Variants in EPHA4 observed in about 807,000 individuals in gnomAD.
EPHA4 encodes the protein EPH receptor A4, also known as ephrin type-A receptor 4.
Under a neutral mutation model 108.3 loss-of-function variants are expected in EPHA4, and 19 were observed. The observed-to-expected ratio is 0.18, with a 90% CI of 0.12 to 0.26. The LOEUF is 0.26. EPHA4 is among the 10% of genes least tolerant of loss of function. The pLI, the probability that EPHA4 is intolerant of heterozygous loss-of-function variation, is 1.00. For missense variants in EPHA4, 917 were observed against 1,254.0 expected (o/e 0.73, Z 4.06); for synonymous variants, 449 against 455.5 (o/e 0.99, Z 0.18).
chr2:221,459,024 C>CT (rs1691054799), intron 5 of EPHA4, among the ~76,000 whole-genome samples: 1 of 152,144 alleles, frequency 6.6e-6, no homozygotes, highest in Non-Finnish European at 1.5e-5. Context: ...TCCTCCTGCC[C>CT]TTTTGCAATA....
rs1472505874 is a variant in EPHA4 at position 221,425,987 on chromosome 2, G to A, written c.*41C>T. On this transcript the variant is annotated 3_prime_UTR_variant, in exon 17 of 18. Coordinates refer to ENST00000281821, the MANE Select transcript of EPHA4 (RefSeq NM_004438.5). The stretch of plus-strand genomic sequence containing the variant: ...TCTTCAATTAAAGTGCATGGATGAG[G>A]TAAACTAATTTCAAGAGTTTTGAGT... 1.9e-6 allele frequency: 3 copies of A among 1,543,516 alleles called. No homozygotes were observed. The highest frequency in any genetic ancestry group is 2.7e-6 in the Non-Finnish European group (3 of 1,116,256).
chr2:221,562,199 C>T (rs1694488715), intron 3 of EPHA4, among the ~76,000 whole-genome samples: 1 of 144,936 alleles, frequency 6.9e-6, no homozygotes, highest in African/African-American at 2.7e-5. Flanking sequence ...TTTAAATTTA[C>T]ACATTTCCTT....
chr2:221,422,852 C>T (rs1689795929), intron 17 of EPHA4, among the ~76,000 whole-genome samples: 1 of 152,192 alleles, frequency 6.6e-6, no homozygotes, highest in African/African-American at 2.4e-5. Flanking sequence ...GTATCACTGT[C>T]TTCCCCATTA....
Position 221,445,446 on chromosome 2 carries a change from C to T in EPHA4, c.1774+677G>A, listed in dbSNP as rs1690561616. 5.3e-5 allele frequency among the ~76,000 whole-genome samples: 8 copies of T among 151,990 alleles called. No homozygotes were observed. The South Asian group carries it at 6.2e-4, about 12-fold the overall frequency. The stretch of plus-strand genomic sequence containing the variant: ...CTACTAAAAGTACAAAAAAATTAGC[C>T]GGGGGTCGTGGCGGGTGCCTGTAAT... On this transcript the variant is annotated intron_variant, in intron 9 of 17. Coordinates refer to ENST00000281821, the MANE Select transcript of EPHA4 (RefSeq NM_004438.5).
intron 6 of EPHA4, among the ~76,000 whole-genome samples, chr2:221,457,638 A>G (rs1691001626): frequency 6.6e-6 from 1 of 152,188 alleles, no homozygotes; most frequent in Non-Finnish European, 1.5e-5. Context: ...ATCATACTTA[A>G]TTGGGAAGCA....
intron 5 of EPHA4, among the ~76,000 whole-genome samples, chr2:221,469,562 T>A (rs1451630550): frequency 6.6e-6 from 1 of 152,194 alleles, no homozygotes; most frequent in Non-Finnish European, 1.5e-5. Flanking sequence ...CTGAATTCCT[T>A]GGCTTTCAAT....
chr2:221,572,558 A>C, upstream of EPHA4: 1 of 220,310 alleles, frequency 4.5e-6, no homozygotes. Flanking sequence ...GGGATCCCCC[A>C]CGTTACCTCG....
chr2:221,544,925 C>T (rs535577051), intron 3 of EPHA4, among the ~76,000 whole-genome samples: 14 of 152,266 alleles, frequency 9.2e-5, no homozygotes, highest in Middle Eastern at 3.4e-3. Context: ...CTACAAGCCA[C>T]GAAAGAGGCC....
At chr2:221,482,063 C>T (rs926569676) in intron 5 of EPHA4, among the ~76,000 whole-genome samples, 1 of 152,084 alleles carries the variant, frequency 6.6e-6, no homozygotes, top group Non-Finnish European at 1.5e-5. Context: ...TACCACCATG[C>T]CTAGCTAATT....
At chr2:221,421,821 TA>T (rs1387526056) in intron 17 of EPHA4, among the ~76,000 whole-genome samples, 1 of 152,246 alleles carries the variant, frequency 6.6e-6, no homozygotes, top group Non-Finnish European at 1.5e-5. Flanking sequence ...TTGCCTATTT[TA>T]TCAAATCACT....
chr2:221,483,953 A>G (rs1173182455), intron 4 of EPHA4, among the ~76,000 whole-genome samples: 1 of 152,230 alleles, frequency 6.6e-6, no homozygotes, highest in Admixed American at 6.5e-5. Flanking sequence ...ATAGCTACTC[A>G]GTTTGACAGT....
At chr2:221,469,806 C>T (rs1016693022) in intron 5 of EPHA4, among the ~76,000 whole-genome samples, 8 of 152,140 alleles carry the variant, frequency 5.3e-5, no homozygotes, top group Non-Finnish European at 1.0e-4. Context: ...GACCTAAAGA[C>T]AGAAAGGTCC....
At chr2:221,439,730 TCAA>T (rs2106102496) in intron 11 of EPHA4, among the ~76,000 whole-genome samples, 1 of 152,170 alleles carries the variant, frequency 6.6e-6, no homozygotes, top group South Asian at 2.1e-4. Context: ...AGATACTTTG[TCAA>T]CTAACGAGAA....
chr2:221,464,691 C>T (rs1691253262), intron 5 of EPHA4, among the ~76,000 whole-genome samples: 1 of 152,154 alleles, frequency 6.6e-6, no homozygotes, highest in Non-Finnish European at 1.5e-5. Flanking sequence ...AACTCCTCTG[C>T]CATCTTTTAG....
chr2:221,463,141 T>C (rs546603092), intron 5 of EPHA4, among the ~76,000 whole-genome samples: 17 of 152,298 alleles, frequency 1.1e-4, no homozygotes, highest in African/African-American at 3.8e-4. Flanking sequence ...TTTGCAGTCA[T>C]AGTGTGGGCG....
At chr2:221,489,321 C>T (rs1692073015) in intron 4 of EPHA4, among the ~76,000 whole-genome samples, 1 of 152,180 alleles carries the variant, frequency 6.6e-6, no homozygotes, top group Admixed American at 6.5e-5. Flanking sequence ...GTGTAACGTG[C>T]CATATAAACC....
intron 3 of EPHA4, among the ~76,000 whole-genome samples, chr2:221,514,359 G>A (rs554405616): frequency 2.2e-4 from 33 of 152,188 alleles, no homozygotes; most frequent in African/African-American, 6.3e-4. Context: ...TCTTGCTTTC[G>A]TGTGATGCAC....
rs1377469075 is a variant in EPHA4, at chr2:221,425,279, C to T, written c.*749G>A. 6.6e-6 allele frequency: 1 copy of T among 151,226 alleles called. No individual in the cohort carries two copies. Among genetic ancestry groups the T allele is most frequent in the African/African-American group, 2.4e-5 (1 of 41,352 alleles). The allele number at this position is 151,226 out of a possible 1,614,324, so 9.4% of individuals were successfully genotyped here. On this transcript the variant is annotated 3_prime_UTR_variant, in exon 17 of 18. Coordinates refer to ENST00000281821, the MANE Select transcript of EPHA4 (RefSeq NM_004438.5). Reference sequence around the variant, plus strand: ...TTCTCTATTCCAGATTGTCACAGCCCACTATCCACAAGATAGTTAGGACAA... The same window carrying T: ...TTCTCTATTCCAGATTGTCACAGCCTACTATCCACAAGATAGTTAGGACAA...
At position 221,566,938 on chromosome 2, in the gene EPHA4, GA is replaced by G. The variant is rs1694674282; in HGVS notation, c.159+1779del. Among the ~76,000 whole-genome samples the G allele has an allele frequency of 1.7e-4, 2 of 11,796 alleles. 1 individual carries two copies. The highest frequency in any genetic ancestry group is 3.1e-4 in the Non-Finnish European group (2 of 6,374). The allele number at this position is 11,796 out of a possible 152,430, so 7.7% of individuals were successfully genotyped here. On this transcript the variant is annotated intron_variant, in intron 2 of 17. Coordinates refer to ENST00000281821, the MANE Select transcript of EPHA4 (RefSeq NM_004438.5). ...GGAGAAGGAGAAGGAGAAGGAGAAG[GA>G]GAAGGAGAAGGAGAAGGGGAAGAGG...
Sources: allele counts gnomAD v4.1 joint callset (sites outside exome capture counted in the v4.1 genomes callset), GRCh38; gene constraint gnomAD v4.1.1; transcripts MANE v1.5; gene names NCBI Gene and HGNC (gene_info 2026-07-23, HGNC 2026-07-21).